COX7A2: variants seen among roughly 807,000 people sequenced by gnomAD.
COX7A2 encodes the protein cytochrome c oxidase subunit 7A2.
A neutral mutation model predicts 11.6 loss-of-function variants in COX7A2; 11 were observed. The ratio of observed to expected loss-of-function variants is 0.95; its 90% CI spans 0.60 to 1.57. COX7A2 has a LOEUF of 1.57. Among genes scored for constraint, COX7A2 ranks in the 40% most tolerant of loss-of-function variants. COX7A2 has a pLI of 0.00. For missense variants in COX7A2, 106 were observed against 100.9 expected, an observed-to-expected ratio of 1.05 and a Z score of -0.22; for synonymous variants, 30 against 38.2, an observed-to-expected ratio of 0.78 and a Z score of 0.79.
At chr6:75,246,329 A>G (rs537525703), upstream of COX7A2, among the ~76,000 whole-genome samples, 113 of 152,260 alleles carry the variant, frequency 7.4e-4, 3 homozygotes, top group South Asian at 0.016. Context: ...TTTGTTTTCT[A>G]TCATACTCTA....
At position 75,240,332 on chromosome 6, in the gene COX7A2, C is replaced by A. The variant is rs150749777; in HGVS notation, c.162G>T (p.Leu54=). The A allele has an allele frequency of 2.1e-5, 33 of 1,609,044 alleles. No homozygotes were observed. The African/African-American group carries it at 4.1e-4, about 20-fold the overall frequency. The change falls in exon 3 of 4, where the codon CTG becomes CTT. Residue 54 remains leucine, a synonymous_variant. Coordinates refer to ENST00000684430, the MANE Select transcript of COX7A2 (RefSeq NM_001366293.2). ...CTGTAAGAATCATGGTGGCTCTATA[C>A]AGGAGGGCATCAGCTACCCCACCCT... The part of the protein sequence containing the change: ...YLKGGVADAL[L]YRATMILTVG...
upstream of COX7A2, among the ~76,000 whole-genome samples, chr6:75,246,244 A>G (rs1771680265): frequency 6.6e-6 from 1 of 152,208 alleles, no homozygotes; most frequent in Non-Finnish European, 1.5e-5. Context: ...ACTTACAAAC[A>G]AAACTGAATT....
At chr6:75,243,689 C>G (rs1355385082) in intron 1 of COX7A2, 28 bp downstream of exon 1, 1 of 1,608,124 alleles carries the variant, frequency 6.2e-7, no homozygotes. Context: ...TCGCCCCCAT[C>G]ATGAATGCAA....
At chr6:75,242,505 C>G (rs934769567) in intron 1 of COX7A2, among the ~76,000 whole-genome samples, 6 of 150,056 alleles carry the variant, frequency 4.0e-5, no homozygotes, top group Non-Finnish European at 8.9e-5. Flanking sequence ...AAACTCCGCT[C>G]AAAAAATAAA....
Position 75,237,810 on chromosome 6 carries a change from T to C in COX7A2, c.*120A>G. On this transcript the variant is annotated 3_prime_UTR_variant, in exon 4 of 4. Transcript: ENST00000684430. Reference sequence around the variant, plus strand: ...AGCATGGTAAAGACTGCTTTATTGGTGGCAGTTACTACAAGTCAATAAATA... The same window carrying C: ...AGCATGGTAAAGACTGCTTTATTGGCGGCAGTTACTACAAGTCAATAAATA... The C allele has an allele frequency of 1.7e-6, 1 of 597,288 alleles. No individual in the cohort carries two copies. The highest frequency in any genetic ancestry group is 2.9e-6 in the Non-Finnish European group (1 of 340,858). 37.0% of individuals were successfully genotyped at this position (597,288 alleles called of 1,614,324 possible). A position where few individuals can be genotyped will look rare whatever the true frequency, so the allele number is the denominator to read the frequency against.
At chr6:75,243,334 T>G (rs1284855247) in intron 1 of COX7A2, among the ~76,000 whole-genome samples, 1 of 152,130 alleles carries the variant, frequency 6.6e-6, no homozygotes, top group African/African-American at 2.4e-5. Flanking sequence ...AACCTTTCAG[T>G]ACCAGAAAAA....
At chr6:75,239,713 T>G (rs1055407838) in intron 3 of COX7A2, among the ~76,000 whole-genome samples, 1 of 152,208 alleles carries the variant, frequency 6.6e-6, no homozygotes, top group African/African-American at 2.4e-5. Flanking sequence ...ATGGATGTTT[T>G]TGACTGAAAT....
At chr6:75,240,196 G>T (rs1035185960) in intron 3 of COX7A2, 105 bp downstream of exon 3, 2 of 798,816 alleles carry the variant, frequency 2.5e-6, no homozygotes, top group African/African-American at 3.5e-5. Flanking sequence ...AAATTCTGGA[G>T]ACAAACTGCC....
upstream of COX7A2, among the ~76,000 whole-genome samples, chr6:75,245,134 A>G (rs1771651912): frequency 6.6e-6 from 1 of 152,240 alleles, no homozygotes; most frequent in Non-Finnish European, 1.5e-5. Context: ...TAAAGACAGT[A>G]TTAACCAATA....
chr6:75,249,808 G>A (rs1034707729), intron 1 of COX7A2, among the ~76,000 whole-genome samples: 9 of 152,206 alleles, frequency 5.9e-5, no homozygotes, highest in African/African-American at 1.9e-4. Flanking sequence ...GTTAAAATCG[G>A]AGCCCTATTT....
chr6:75,242,874 C>T (rs113071950), intron 1 of COX7A2, among the ~76,000 whole-genome samples: 1 of 151,386 alleles, frequency 6.6e-6, no homozygotes, highest in East Asian at 1.9e-4. Context: ...ACAACAACAA[C>T]AAAAAAAACC....
At position 75,241,075 on chromosome 6, in the gene COX7A2, T is replaced by C. The variant is rs569467425; in HGVS notation, c.108+101A>G. ...TTGACTTTTTTTGTAATGTTTATAT[T>C]GTCATATGATCTAATTTATACACAT... On this transcript the variant is annotated intron_variant, in intron 2 of 3. Transcript: ENST00000684430. 96 of 1,401,426 alleles carry C rather than the reference T, an allele frequency of 6.9e-5. 1 individual carries two copies. The highest frequency in any genetic ancestry group is 8.5e-5 in the Non-Finnish European group (88 of 1,037,436). 86.8% of individuals were successfully genotyped at this position (1,401,426 alleles called of 1,614,324 possible). A position where few individuals can be genotyped will look rare whatever the true frequency, so the allele number is the denominator to read the frequency against.
intron 1 of COX7A2, among the ~76,000 whole-genome samples, chr6:75,241,529 A>T (rs887096385): frequency 3.9e-5 from 6 of 152,244 alleles, no homozygotes; most frequent in Non-Finnish European, 7.3e-5. Context: ...CATGATCTCT[A>T]CCTGAACAGA....
intron 1 of COX7A2, 60 bp downstream of exon 1, chr6:75,243,657 C>A (rs1001183423): frequency 1.3e-6 from 2 of 1,528,384 alleles, no homozygotes; most frequent in African/African-American, 2.7e-5. Flanking sequence ...TGTCGTGGTG[C>A]CTCAGCCTCC....
rs995863025 is a variant in COX7A2 at position 75,243,113 on chromosome 6, T to C, written c.18+604A>G. Among the ~76,000 whole-genome samples, 10 of 152,278 alleles carry C rather than the reference T, an allele frequency of 6.6e-5. No individual in the cohort carries two copies. The East Asian group carries it at 1.9e-3, about 29-fold the overall frequency. ...TCATTAAATAATTTAAAAAATAAAATAATCATTGTCGCATTTTTCTTTATC... is the reference window on the plus strand; with the variant it reads ...TCATTAAATAATTTAAAAAATAAAACAATCATTGTCGCATTTTTCTTTATC... On this transcript the variant is annotated intron_variant, in intron 1 of 3. Transcript: ENST00000684430.
At position 75,240,582 on chromosome 6, in the gene COX7A2, TAA is replaced by T. The variant is rs1771469020; in HGVS notation, c.109-199_109-198del. 9 of 467,760 alleles carry T rather than the reference TAA, an allele frequency of 1.9e-5. 1 individual carries two copies. In the South Asian group the frequency reaches 3.5e-4, roughly 18 times the overall value. 29.0% of individuals were successfully genotyped at this position (467,760 alleles called of 1,614,324 possible). ...CTACTACTTTTAAAATAAGAATTCC[TAA>T]AAGTCAGCATTCTTCTTTCACCGTT... On this transcript the variant is annotated intron_variant, in intron 2 of 3. Transcript: ENST00000684430.
At chr6:75,242,484 C>T (rs770957176) in intron 1 of COX7A2, among the ~76,000 whole-genome samples, 4 of 150,884 alleles carry the variant, frequency 2.7e-5, no homozygotes, top group African/African-American at 9.8e-5. Flanking sequence ...CCAGCCTGGG[C>T]GACAAGAATG....
chr6:75,243,617 CT>C (rs1242296376), intron 1 of COX7A2, 99 bp downstream of exon 1: 4 of 1,151,854 alleles, frequency 3.5e-6, no homozygotes, highest in Non-Finnish European at 5.1e-6. Flanking sequence ...CATTAGCCGC[CT>C]TCGGCACCCC....
chr6:75,238,225 A>C (rs1030394345), intron 3 of COX7A2, among the ~76,000 whole-genome samples: 4 of 152,094 alleles, frequency 2.6e-5, no homozygotes, highest in African/African-American at 9.7e-5. Context: ...AAATGCAAAA[A>C]TTTTTAAAAA....
Sources: gnomAD v4.1 joint callset for allele counts (sites outside exome capture counted in the v4.1 genomes callset) on GRCh38, gnomAD v4.1.1 for gene constraint, MANE v1.5 for transcripts, NCBI Gene and HGNC (gene_info 2026-07-23, HGNC 2026-07-21) for gene names.